DOCK1: variants seen among roughly 807,000 people sequenced by gnomAD.
The protein encoded by DOCK1 is dedicator of cytokinesis 1.
Under a neutral mutation model 262.7 loss-of-function variants are expected in DOCK1, and 138 were observed. The observed-to-expected ratio is 0.53, with a 90% CI of 0.46 to 0.61. The LOEUF is 0.61. DOCK1 is among the 20% of genes least tolerant of loss of function. DOCK1 has a pLI of 0.00. For missense variants in DOCK1, 1,908 were observed against 2,370.7 expected, an observed-to-expected ratio of 0.80 and a Z score of 4.05; for synonymous variants, 866 against 867.4, an observed-to-expected ratio of 1.00 and a Z score of 0.03.
intron 25 of DOCK1, among the ~76,000 whole-genome samples, chr10:127,115,685 A>G (rs1429475551): frequency 6.6e-6 from 1 of 152,250 alleles, no homozygotes; most frequent in African/African-American, 2.4e-5. Context: ...TGTTATAGAA[A>G]TTGGAATAAA....
At chr10:127,018,857 G>T (rs751616489) in intron 13 of DOCK1, 22 bp downstream of exon 13, 3 of 1,612,118 alleles carry the variant, frequency 1.9e-6, no homozygotes, top group South Asian at 1.1e-5. Flanking sequence ...CTTGTTCAGG[G>T]CTTCTCAGCA....
At chr10:127,266,212 CA>C (rs1367563623) in intron 29 of DOCK1, among the ~76,000 whole-genome samples, 4 of 152,192 alleles carry the variant, frequency 2.6e-5, no homozygotes, top group African/African-American at 9.7e-5. Flanking sequence ...ATTCTTTGTG[CA>C]GGTTGAAATC....
chr10:127,248,042 G>T lies in DOCK1; in HGVS notation c.2882G>T (p.Arg961Leu), dbSNP rs571040090. 1 of 1,613,750 alleles carries T rather than the reference G, an allele frequency of 6.2e-7. No homozygotes were observed. The highest frequency in any genetic ancestry group is 2.2e-5 in the East Asian group (1 of 44,890). ...NFVACMTAILRQMEDYHYAHL... is the reference protein window; with the variant it reads ...NFVACMTAILLQMEDYHYAHL... ...GTGGCTTGCATGACAGCTATTTTAC[G>T]ACAAATGGAAGATTACCATTATGCC... Residue 961 changes from arginine (R) to leucine (L), a missense_variant, in exon 28 of 52, where the codon CGA becomes CTA. Around this residue, in one of 9 missense-constraint regions of DOCK1, gnomAD observed 518 missense variants for 575.1 expected, o/e 0.90. Transcript: ENST00000623213.
chr10:127,019,705 C>T (rs1354367621), intron 13 of DOCK1, among the ~76,000 whole-genome samples: 3 of 152,196 alleles, frequency 2.0e-5, no homozygotes, highest in Non-Finnish European at 2.9e-5. Flanking sequence ...GCACAGATCA[C>T]GCCACTGCAC....
At chr10:127,320,160 G>T (rs1236968289) in intron 29 of DOCK1, among the ~76,000 whole-genome samples, 3 of 151,580 alleles carry the variant, frequency 2.0e-5, no homozygotes, top group Non-Finnish European at 2.9e-5. Context: ...GAAGCTTCTG[G>T]GGCCTGGCCT....
intron 21 of DOCK1, among the ~76,000 whole-genome samples, chr10:127,051,731 T>C (rs1004812924): frequency 2.6e-5 from 4 of 152,238 alleles, no homozygotes; most frequent in Admixed American, 2.6e-4. Flanking sequence ...TACAGCCATA[T>C]GCCATCCTAC....
At chr10:127,118,535 G>A (rs778203068) in intron 25 of DOCK1, among the ~76,000 whole-genome samples, 2 of 152,128 alleles carry the variant, frequency 1.3e-5, no homozygotes, top group Non-Finnish European at 1.5e-5. Context: ...GCCTTGTGCC[G>A]ATGTCCAGAA....
chr10:127,192,091 G>A (rs553488606), intron 27 of DOCK1, among the ~76,000 whole-genome samples: 1 of 152,264 alleles, frequency 6.6e-6, no homozygotes, highest in South Asian at 2.1e-4. Context: ...CCATTCTATT[G>A]GATAGAATAG....
chr10:127,104,818 C>G (rs528247821), intron 23 of DOCK1, among the ~76,000 whole-genome samples: 7 of 152,282 alleles, frequency 4.6e-5, no homozygotes, highest in Admixed American at 3.9e-4. Flanking sequence ...GACTTTCCCC[C>G]GACTGAATTT....
chr10:127,170,115 C>T (rs2054428282), intron 27 of DOCK1, among the ~76,000 whole-genome samples: 1 of 151,960 alleles, frequency 6.6e-6, no homozygotes, highest in African/African-American at 2.4e-5. Flanking sequence ...GAACTGCCCC[C>T]ATGATGGGGT....
At chr10:127,063,536 C>T (rs2135846325) in intron 23 of DOCK1, among the ~76,000 whole-genome samples, 1 of 152,192 alleles carries the variant, frequency 6.6e-6, no homozygotes, top group East Asian at 1.9e-4. Flanking sequence ...GTAGGTGGTG[C>T]ATACATTAAA....
chr10:127,023,364 T>G (rs892957495), intron 14 of DOCK1, 40 bp downstream of exon 14: 3 of 1,610,300 alleles, frequency 1.9e-6, no homozygotes, highest in Non-Finnish European at 2.5e-6. Context: ...GTGTTTCAGT[T>G]TTACTTGCCA....
intron 18 of DOCK1, 97 bp downstream of exon 18, chr10:127,032,417 C>G: frequency 7.7e-7 from 1 of 1,298,788 alleles, no homozygotes; most frequent in Non-Finnish European, 1.0e-6. Flanking sequence ...TCCGTAGGTG[C>G]ATGAACGTCA....
At chr10:127,008,913 T>C in intron 11 of DOCK1, 109 bp downstream of exon 11, 1 of 1,110,988 alleles carries the variant, frequency 9.0e-7, no homozygotes, top group Non-Finnish European at 1.3e-6. Flanking sequence ...GATTGATTAT[T>C]TTGTAATTAT....
At chr10:127,381,957 G>A (rs917306650) in intron 37 of DOCK1, among the ~76,000 whole-genome samples, 1 of 105,988 alleles carries the variant, frequency 9.4e-6, no homozygotes, top group Admixed American at 1.0e-4. Context: ...TTACAGTGAC[G>A]TATGGATGGA....
chr10:126,913,062 T>C (rs1012198600), intron 1 of DOCK1, among the ~76,000 whole-genome samples: 2 of 151,856 alleles, frequency 1.3e-5, no homozygotes, highest in African/African-American at 4.8e-5. Flanking sequence ...AGCTTTCTAA[T>C]GGGACTCCAA....
chr10:127,052,548 C>A, intron 21 of DOCK1, 133 bp from the exon 22 acceptor site: 8 of 1,229,194 alleles, frequency 6.5e-6, no homozygotes, highest in East Asian at 5.0e-5. Context: ...AAAGAGAAAA[C>A]GTTTTACAGA....
intron 23 of DOCK1, among the ~76,000 whole-genome samples, chr10:127,093,242 C>CTTTTTTTTTTTTTTTT (rs200302331): frequency 3.8e-5 from 3 of 79,314 alleles, no homozygotes; most frequent in Non-Finnish European, 4.4e-5. Flanking sequence ...TTTCTTTCTT[C>CTTTTTTTTTTTTTTTT]TTTTTTTTTT....
chr10:126,916,796 A>T (rs539505898), intron 1 of DOCK1, among the ~76,000 whole-genome samples: 204 of 150,396 alleles, frequency 1.4e-3, no homozygotes, highest in Middle Eastern at 3.4e-3. Context: ...TGGTATCTGG[A>T]GCTGCCCTCA....
Sources: allele counts gnomAD v4.1 joint callset (sites outside exome capture counted in the v4.1 genomes callset), GRCh38; gene constraint gnomAD v4.1.1; regional missense constraint gnomAD v4.1.1; transcripts MANE v1.5; gene names NCBI Gene and HGNC (gene_info 2026-07-23, HGNC 2026-07-21).